DERA: variants seen among roughly 807,000 people sequenced by gnomAD.
DERA encodes the protein deoxyribose-phosphate aldolase, also known as 2-deoxy-D-ribose 5-phosphate aldolase.
A neutral mutation model predicts 41.1 loss-of-function variants in DERA; 15 were observed. The observed-to-expected ratio is 0.37, with a 90% CI of 0.24 to 0.56. The LOEUF (loss-of-function observed/expected upper bound fraction) is 0.56. Among genes scored for constraint, DERA ranks in the 20% least tolerant of loss-of-function variants. DERA has a pLI of 0.81. For synonymous variants in DERA, 139 were observed against 137.4 expected, an observed-to-expected ratio of 1.01 and a Z score of -0.08; for missense variants, 396 against 403.4, an observed-to-expected ratio of 0.98 and a Z score of 0.16.
At chr12:15,964,177 A>C (rs2417511) in intron 5 of DERA, among the ~76,000 whole-genome samples, 1 of 152,190 alleles carries the variant, frequency 6.6e-6, no homozygotes, top group African/African-American at 2.4e-5. Context: ...ACTCATCTCC[A>C]AGACCATAGG....
intron 6 of DERA, among the ~76,000 whole-genome samples, chr12:16,005,064 C>T (rs1179306550): frequency 1.3e-5 from 2 of 152,162 alleles, no homozygotes; most frequent in African/African-American, 2.4e-5. Context: ...TTTCATTTCA[C>T]GCAGTCTACT....
At chr12:15,947,943 T>C (rs1171403622) in intron 1 of DERA, among the ~76,000 whole-genome samples, 2 of 152,062 alleles carry the variant, frequency 1.3e-5, no homozygotes, top group East Asian at 3.9e-4. Flanking sequence ...GTCAAGAATT[T>C]TATTTCTCCT....
intron 6 of DERA, among the ~76,000 whole-genome samples, chr12:16,032,273 T>C (rs868785532): frequency 1.8e-4 from 28 of 152,332 alleles, no homozygotes; most frequent in Admixed American, 5.2e-4. Context: ...ACCAACTTGA[T>C]TTTAATTGGC....
chr12:15,920,878 A>G (rs1948238675), intron 1 of DERA, among the ~76,000 whole-genome samples: 1 of 152,224 alleles, frequency 6.6e-6, no homozygotes, highest in Non-Finnish European at 1.5e-5. Flanking sequence ...TATTTGTATT[A>G]TGGGGAGAAA....
At position 15,988,865 on chromosome 12, in the gene DERA, C is replaced by T. The variant is rs1280527499; in HGVS notation, c.637+6429C>T. Among the ~76,000 whole-genome samples, 3 of 152,228 alleles carry T rather than the reference C, an allele frequency of 2.0e-5. No individual in the cohort carries two copies. Among genetic ancestry groups the T allele is most frequent in the African/African-American group, 4.8e-5 (2 of 41,466 alleles). On this transcript the variant is annotated intron_variant, in intron 6 of 8. Transcript: ENST00000428559. The surrounding 1 kb of genome is among the most constrained non-coding windows in gnomAD (Gnocchi z 6.0). The stretch of plus-strand genomic sequence containing the variant: ...CTGCCCTCAGCCCCTTGGCCTTTCT[C>T]CTATGCTTGTTGTCGCCCAAAGTCC...
chr12:15,960,106 C>T (rs1274392274), intron 4 of DERA, among the ~76,000 whole-genome samples, 182 bp downstream of exon 4: 2 of 151,332 alleles, frequency 1.3e-5, no homozygotes, highest in African/African-American at 2.4e-5. Flanking sequence ...TTATTCCCAA[C>T]AATATAGAAC....
rs1341895792 is a variant in DERA, at chr12:15,928,003, A to C, written c.31+16589A>C. ...AACTGTTCTTGGCTCAAAAATAGTTAAAACTTTTTAAATTGGAAAATAATA... is the reference window on the plus strand; with the variant it reads ...AACTGTTCTTGGCTCAAAAATAGTTCAAACTTTTTAAATTGGAAAATAATA... On this transcript the variant is annotated intron_variant, in intron 1 of 8. Transcript: ENST00000428559. The surrounding 1 kb of genome is among the most constrained non-coding windows in gnomAD (Gnocchi z 4.6). Among the ~76,000 whole-genome samples the C allele has an allele frequency of 6.7e-6, 1 of 149,970 alleles. No individual in the cohort carries two copies. Among genetic ancestry groups the C allele is most frequent in the African/African-American group, 2.5e-5 (1 of 40,644 alleles).
intron 1 of DERA, among the ~76,000 whole-genome samples, chr12:15,925,925 T>C (rs2136127253): frequency 6.8e-6 from 1 of 147,578 alleles, no homozygotes; most frequent in East Asian, 2.0e-4. Flanking sequence ...CCTCCCAGGT[T>C]CAAGCAATTC....
chr12:15,952,904 T>C (rs1036605310), intron 1 of DERA, among the ~76,000 whole-genome samples: 1 of 152,218 alleles, frequency 6.6e-6, no homozygotes, highest in Non-Finnish European at 1.5e-5. Flanking sequence ...CTTGCAGTGC[T>C]TCCGGTTTAT....
rs1948269349 is a variant in DERA, at chr12:15,924,686, T to A, written c.31+13272T>A. On this transcript the variant is annotated intron_variant, in intron 1 of 8. Transcript: ENST00000428559. This position sits in a 1 kb window ranked among gnomAD's most constrained non-coding sequence, Gnocchi z 5.0. ...AAATTACCTTTAACTTGATGAGTGATCAATAAATGGTAGCCATTATTGTAA... is the reference window on the plus strand; with the variant it reads ...AAATTACCTTTAACTTGATGAGTGAACAATAAATGGTAGCCATTATTGTAA... Among the ~76,000 whole-genome samples, 1 of 152,224 alleles carries A rather than the reference T, an allele frequency of 6.6e-6. No homozygotes were observed. The highest frequency in any genetic ancestry group is 1.5e-5 in the Non-Finnish European group (1 of 68,042).
chr12:15,930,629 A>G (rs931523747), intron 1 of DERA, among the ~76,000 whole-genome samples: 2 of 152,142 alleles, frequency 1.3e-5, no homozygotes, highest in African/African-American at 4.8e-5. Context: ...TCAGAATTTA[A>G]ATATATAAGT....
At chr12:16,029,603 A>T (rs933767715) in intron 6 of DERA, among the ~76,000 whole-genome samples, 1 of 151,922 alleles carries the variant, frequency 6.6e-6, no homozygotes, top group African/African-American at 2.4e-5. Context: ...CCATCCATCT[A>T]GAAATTATTT....
rs1013200503 is a variant in DERA at position 15,983,431 on chromosome 12, G to T, written c.637+995G>T. ...AACCTTTTGAGTCTTTGTACGTTCT[G>T]TGCCTCCTGCCCGGAATGCCTTTTG... On this transcript the variant is annotated intron_variant, in intron 6 of 8. Coordinates refer to ENST00000428559, the MANE Select transcript of DERA (RefSeq NM_015954.4). The surrounding 1 kb of genome is among the most constrained non-coding windows in gnomAD (Gnocchi z 6.2). Among the ~76,000 whole-genome samples, 1 of 152,062 alleles carries T rather than the reference G, an allele frequency of 6.6e-6. No individual in the cohort carries two copies. The highest frequency in any genetic ancestry group is 1.5e-5 in the Non-Finnish European group (1 of 68,020).
chr12:15,977,250 C>T (rs1948703504), intron 5 of DERA, among the ~76,000 whole-genome samples: 1 of 152,156 alleles, frequency 6.6e-6, no homozygotes, highest in African/African-American at 2.4e-5. Flanking sequence ...GCTCGAAGCA[C>T]TGCAATGTAT....
chr12:15,969,471 C>A (rs536389188), intron 5 of DERA, among the ~76,000 whole-genome samples: 1 of 152,302 alleles, frequency 6.6e-6, no homozygotes, highest in South Asian at 2.1e-4. Context: ...GATTGTCTGA[C>A]ATTCTGCAGC....
rs972690094 is a variant in DERA at position 16,003,175 on chromosome 12, G to T, written c.637+20739G>T. ...GCCTATCTTTGGTGTTTCTTGGCTT[G>T]TAGAAGCCTCACCCTGGTCTCTGCC... On this transcript the variant is annotated intron_variant, in intron 6 of 8. Coordinates refer to ENST00000428559, the MANE Select transcript of DERA (RefSeq NM_015954.4). The surrounding 1 kb of genome is among the most constrained non-coding windows in gnomAD (Gnocchi z 4.8). Among the ~76,000 whole-genome samples, 1 of 152,134 alleles carries T rather than the reference G, an allele frequency of 6.6e-6. No homozygotes were observed. The highest frequency in any genetic ancestry group is 1.5e-5 in the Non-Finnish European group (1 of 68,024).
rs1948220586 is a variant in DERA, at chr12:15,918,792, A to G, written c.31+7378A>G. On this transcript the variant is annotated intron_variant, in intron 1 of 8. Transcript: ENST00000428559. The surrounding 1 kb of genome is among the most constrained non-coding windows in gnomAD (Gnocchi z 4.3). Reference sequence around the variant, plus strand: ...AGGAACGTGGTGGGATTGGAAGGATAAAGACGAATTCACAGACAGTCCAGG... The same window carrying G: ...AGGAACGTGGTGGGATTGGAAGGATGAAGACGAATTCACAGACAGTCCAGG... Among the ~76,000 whole-genome samples the G allele has an allele frequency of 6.6e-6, 1 of 152,182 alleles. No homozygotes were observed. Among genetic ancestry groups the G allele is most frequent in the Non-Finnish European group, 1.5e-5 (1 of 68,028 alleles).
rs1949121866 is a variant in DERA, at chr12:16,035,607, G to A, written c.751-625G>A. ...TGGACTATGAGGAGCCCCTCACGGT[G>A]TTTTTCTACTGCCCTTATGTAACTG... On this transcript the variant is annotated intron_variant, in intron 7 of 8. Coordinates refer to ENST00000428559, the MANE Select transcript of DERA (RefSeq NM_015954.4). The surrounding 1 kb of genome is among the most constrained non-coding windows in gnomAD (Gnocchi z 4.1). 1.3e-5 allele frequency among the ~76,000 whole-genome samples: 2 copies of A among 152,166 alleles called. No individual in the cohort carries two copies. Among genetic ancestry groups the A allele is most frequent in the Admixed American group, 1.3e-4 (2 of 15,274 alleles).
In DERA at chr12:16,004,560, A is replaced by G. The variant is rs1017329531; in HGVS notation, c.637+22124A>G. On this transcript the variant is annotated intron_variant, in intron 6 of 8. Coordinates refer to ENST00000428559, the MANE Select transcript of DERA (RefSeq NM_015954.4). This position sits in a 1 kb window ranked among gnomAD's most constrained non-coding sequence, Gnocchi z 4.2. ...GTACTTTCTGACAGAGGAAGAAAGAAAAGGACTAACCACCTTTCTAAATGT... is the reference window on the plus strand; with the variant it reads ...GTACTTTCTGACAGAGGAAGAAAGAGAAGGACTAACCACCTTTCTAAATGT... Among the ~76,000 whole-genome samples the G allele has an allele frequency of 6.6e-6, 1 of 152,230 alleles. No homozygotes were observed. Among genetic ancestry groups the G allele is most frequent in the African/African-American group, 2.4e-5 (1 of 41,474 alleles).
Sources: gnomAD v4.1 joint callset for allele counts (sites outside exome capture counted in the v4.1 genomes callset) on GRCh38, gnomAD v4.1.1 for gene constraint, Gnocchi (gnomAD v3.1) non-coding constraint, MANE v1.5 for transcripts, NCBI Gene and HGNC (gene_info 2026-07-23, HGNC 2026-07-21) for gene names.